Variants in NMNAT2 observed in about 807,000 individuals in gnomAD.
NMNAT2 encodes the protein nicotinamide nucleotide adenylyltransferase 2, also known as nicotinamide/nicotinic acid mononucleotide adenylyltransferase 2.
In NMNAT2, 11 loss-of-function variants were observed where a neutral mutation model predicts 41.6. The ratio of observed to expected loss-of-function variants is 0.26; its 90% CI spans 0.17 to 0.44. NMNAT2 has a LOEUF of 0.44. NMNAT2 is among the 20% of genes least tolerant of loss of function. NMNAT2 has a pLI of 1.00. For synonymous variants in NMNAT2, 148 were observed against 151.2 expected (o/e 0.98, Z 0.16); for missense variants, 288 against 407.7 (o/e 0.71, Z 2.53).
intron 8 of NMNAT2, 68 bp from the exon 9 acceptor site, chr1:183,261,371 G>T: frequency 1.6e-6 from 2 of 1,288,284 alleles, no homozygotes; most frequent in Non-Finnish European, 2.2e-6. Context: ...CAACTACTTA[G>T]CATGGCAGAA....
intron 4 of NMNAT2, 63 bp downstream of exon 4, chr1:183,290,065 G>T: frequency 7.3e-7 from 1 of 1,362,954 alleles, no homozygotes; most frequent in Non-Finnish European, 1.0e-6. Flanking sequence ...GTTTCTGTGG[G>T]TCCAGCCCCT....
At chr1:183,291,151 A>T (rs528645244) in intron 3 of NMNAT2, among the ~76,000 whole-genome samples, 4 of 152,248 alleles carry the variant, frequency 2.6e-5, no homozygotes, top group African/African-American at 9.6e-5. Context: ...TCCTGACCTC[A>T]GGTGATCCGC....
intron 1 of NMNAT2, among the ~76,000 whole-genome samples, chr1:183,297,277 G>A (rs1182699838): frequency 2.6e-5 from 4 of 151,788 alleles, no homozygotes; most frequent in East Asian, 1.9e-4. Context: ...ATCAAATTAC[G>A]AAAGTAAAAG....
At chr1:183,257,733 G>A (rs1055002185) in intron 10 of NMNAT2, among the ~76,000 whole-genome samples, 4 of 147,182 alleles carry the variant, frequency 2.7e-5, no homozygotes, top group African/African-American at 1.0e-4. Flanking sequence ...TTTCATTTCT[G>A]ATTTTATATA....
At chr1:183,379,091 TA>T (rs56030111) in intron 1 of NMNAT2, among the ~76,000 whole-genome samples, 26,379 of 110,656 alleles carry the variant, frequency 0.24, 2,673 homozygotes, top group East Asian at 0.32. Flanking sequence ...TCTATATCTA[TA>T]ATCTATAATC....
intron 1 of NMNAT2, among the ~76,000 whole-genome samples, chr1:183,406,244 G>T (rs1447544963): frequency 1.3e-5 from 2 of 152,200 alleles, no homozygotes; most frequent in African/African-American, 2.4e-5. Flanking sequence ...AAGGCAGGAT[G>T]CTATGAAGAC....
chr1:183,327,930 GCT>G (rs1662504276), intron 1 of NMNAT2, among the ~76,000 whole-genome samples: 1 of 151,928 alleles, frequency 6.6e-6, no homozygotes, highest in South Asian at 2.1e-4. Context: ...ACTGAACACT[GCT>G]CTTTCTCACT....
At position 183,357,629 on chromosome 1, in the gene NMNAT2, A is replaced by C. The variant is rs141421875; in HGVS notation, c.85+60554T>G. ...ATTTACACTCCTATCAACAGTGTAC[A>C]AGCGTTCTTTTTTCTCCACAACCTC... On this transcript the variant is annotated intron_variant, in intron 1 of 10. Transcript: ENST00000287713. Among the ~76,000 whole-genome samples, 155 of 152,314 alleles carry C rather than the reference A, an allele frequency of 1.0e-3. 1 individual carries two copies. The highest frequency in any genetic ancestry group is 3.4e-3 in the Middle Eastern group (1 of 294).
intron 1 of NMNAT2, among the ~76,000 whole-genome samples, chr1:183,326,609 G>C (rs1557879037): frequency 6.6e-6 from 1 of 152,096 alleles, no homozygotes; most frequent in Non-Finnish European, 1.5e-5. Flanking sequence ...TATATCACTA[G>C]AGTGGTCAAT....
intron 1 of NMNAT2, among the ~76,000 whole-genome samples, chr1:183,382,373 T>C (rs1265583201): frequency 6.6e-6 from 1 of 152,128 alleles, no homozygotes; most frequent in African/African-American, 2.4e-5. Flanking sequence ...ATCCAAACCA[T>C]ATCTTTTCCA....
chr1:183,410,326 A>G (rs1331447637), intron 1 of NMNAT2, among the ~76,000 whole-genome samples: 4 of 151,956 alleles, frequency 2.6e-5, no homozygotes, highest in African/African-American at 7.2e-5. Flanking sequence ...CCATCTCAAA[A>G]AATAAAAATA....
In NMNAT2 at chr1:183,373,719, G is replaced by C. The variant is rs138043564; in HGVS notation, c.85+44464C>G. On this transcript the variant is annotated intron_variant, in intron 1 of 10. Coordinates refer to ENST00000287713, the MANE Select transcript of NMNAT2 (RefSeq NM_015039.4). The stretch of plus-strand genomic sequence containing the variant: ...TGCAACCTCCGCCTCCTGGGTTCAA[G>C]TGATTCTCCTCTCTCAGCCTCCAAA... Among the ~76,000 whole-genome samples the C allele has an allele frequency of 5.5e-3, 838 of 151,810 alleles. 6 individuals carry two copies. Among genetic ancestry groups the C allele is most frequent in the African/African-American group, 0.019 (803 of 41,380 alleles).
intron 1 of NMNAT2, among the ~76,000 whole-genome samples, chr1:183,363,767 A>T (rs1470798324): frequency 1.3e-5 from 2 of 152,232 alleles, no homozygotes; most frequent in Admixed American, 1.3e-4. Flanking sequence ...TAAGGCTTTA[A>T]GAATAGGGTG....
At chr1:183,356,282 G>A (rs187547220) in intron 1 of NMNAT2, among the ~76,000 whole-genome samples, 15 of 152,256 alleles carry the variant, frequency 9.9e-5, no homozygotes, top group Non-Finnish European at 1.9e-4. Flanking sequence ...CAGACACCTC[G>A]TTCATAACCC....
chr1:183,364,683 C>CTTTCTTTCTTTCT (rs1553218932), intron 1 of NMNAT2, among the ~76,000 whole-genome samples: 1 of 151,388 alleles, frequency 6.6e-6, no homozygotes, highest in South Asian at 2.1e-4. Flanking sequence ...TTCTTTCTTT[C>CTTTCTTTCTTTCT]TTTTTTTGTT....
At chr1:183,296,784 G>A (rs1477979033) in intron 1 of NMNAT2, among the ~76,000 whole-genome samples, 4 of 152,128 alleles carry the variant, frequency 2.6e-5, no homozygotes, top group Admixed American at 6.5e-5. Context: ...AAAGTGCTGG[G>A]ATTACAGGCA....
At chr1:183,372,345 A>C (rs182065912) in intron 1 of NMNAT2, among the ~76,000 whole-genome samples, 2 of 152,360 alleles carry the variant, frequency 1.3e-5, no homozygotes, top group Admixed American at 1.3e-4. Context: ...ACTACAGAGA[A>C]ATAGACTCCA....
chr1:183,276,644 A>C (rs1661130159), intron 8 of NMNAT2, among the ~76,000 whole-genome samples: 1 of 152,228 alleles, frequency 6.6e-6, no homozygotes, highest in Admixed American at 6.5e-5. Flanking sequence ...GCTGTGCCAC[A>C]GCTGCTGACC....
At chr1:183,321,283 A>G (rs1349525148) in intron 1 of NMNAT2, among the ~76,000 whole-genome samples, 1 of 152,192 alleles carries the variant, frequency 6.6e-6, no homozygotes, top group Non-Finnish European at 1.5e-5. Context: ...ATGTTCATGA[A>G]GCCCAAACCA....
Sources: allele counts gnomAD v4.1 joint callset (sites outside exome capture counted in the v4.1 genomes callset), GRCh38; gene constraint gnomAD v4.1.1; transcripts MANE v1.5; gene names NCBI Gene and HGNC (gene_info 2026-07-23, HGNC 2026-07-21).